The following RASGRP3 variants were observed in gnomAD, a reference collection of about 807,000 sequenced individuals.
The protein encoded by RASGRP3 is ras guanyl-releasing protein 3.
In RASGRP3, 54 loss-of-function variants were observed where a neutral mutation model predicts 82.7. The ratio of observed to expected loss-of-function variants is 0.65; its 90% confidence interval spans 0.52 to 0.82. The LOEUF (loss-of-function observed/expected upper bound fraction) is 0.82, where lower values mean the gene tolerates loss of function less well. RASGRP3 is among the 40% of genes least tolerant of loss of function. The pLI, the probability that RASGRP3 is intolerant of heterozygous loss-of-function variation, is 0.00. For synonymous variants in RASGRP3, 309 were observed against 300.5 expected, an observed-to-expected ratio of 1.03 and a Z score of -0.29; for missense variants, 861 against 828.9, an observed-to-expected ratio of 1.04 and a Z score of -0.48.
intron 15 of RASGRP3, 53 bp downstream of exon 15, chr2:33,555,620 A>G: frequency 6.9e-7 from 1 of 1,447,638 alleles, no homozygotes; most frequent in Non-Finnish European, 9.5e-7. Flanking sequence ...TTTGGGTAAG[A>G]ATCAAATTTG....
chr2:33,531,087 A>G (rs1421530678), intron 10 of RASGRP3: 1 of 152,234 alleles, frequency 6.6e-6, no homozygotes, highest in African/African-American at 2.4e-5. Flanking sequence ...GAATAAGAAG[A>G]GTTTCAAAAA....
intron 1 of RASGRP3, among the ~76,000 whole-genome samples, chr2:33,480,220 T>C (rs1305541169): frequency 6.6e-6 from 1 of 152,062 alleles, no homozygotes; most frequent in Admixed American, 6.6e-5. Flanking sequence ...TTTTTTTGTA[T>C]TTTTAGTAGA....
At chr2:33,507,795 G>A (rs1670533677) in intron 1 of RASGRP3, among the ~76,000 whole-genome samples, 1 of 152,186 alleles carries the variant, frequency 6.6e-6, no homozygotes, top group African/African-American at 2.4e-5. Flanking sequence ...CAAAGTGCTG[G>A]GATTACAGGC....
chr2:33,502,334 A>G (rs1299192876), intron 1 of RASGRP3, among the ~76,000 whole-genome samples: 3 of 151,966 alleles, frequency 2.0e-5, no homozygotes, highest in Non-Finnish European at 1.5e-5. Context: ...ATACCTTCAC[A>G]TGGTAGGTCA....
chr2:33,558,963 T>C lies in RASGRP3; in HGVS notation c.1997T>C (p.Val666Ala), dbSNP rs780193334. The C allele has an allele frequency of 3.8e-5, 61 of 1,613,976 alleles. 1 individual carries two copies. The South Asian group carries it at 6.4e-4, about 17-fold the overall frequency. Residue 666 changes from valine (V) to alanine (A), a missense_variant, in exon 17 of 18, where the codon GTT becomes GCT. Transcript: ENST00000403687. ...CCCAGGGTGCATGCTGGTGTGGATG[T>C]TGTAGACCGGGGCACGGAGTTTGAA... Reference protein sequence around the residue: ...EKPRVHAGVDVVDRGTEFELD... With the variant: ...EKPRVHAGVDAVDRGTEFELD...
At chr2:33,455,895 C>T (rs987833715) in intron 2 of RASGRP3, among the ~76,000 whole-genome samples, 7 of 152,086 alleles carry the variant, frequency 4.6e-5, no homozygotes, top group Admixed American at 6.5e-5. Flanking sequence ...CACCCTGCCC[C>T]GAGTGTCTCA....
intron 1 of RASGRP3, among the ~76,000 whole-genome samples, chr2:33,446,402 C>T (rs963992913): frequency 6.6e-6 from 1 of 152,128 alleles, no homozygotes; most frequent in African/African-American, 2.4e-5. Flanking sequence ...CATGATCCAC[C>T]CGCCTCGGCC....
At chr2:33,478,253 C>T (rs767021181) in intron 1 of RASGRP3, among the ~76,000 whole-genome samples, 12 of 152,138 alleles carry the variant, frequency 7.9e-5, no homozygotes, top group Non-Finnish European at 1.8e-4. Context: ...GTAGAAGAAT[C>T]CACAAAATGT....
chr2:33,469,462 ATT>A (rs113071930), intron 2 of RASGRP3, among the ~76,000 whole-genome samples: 179 of 141,696 alleles, frequency 1.3e-3, no homozygotes, highest in African/African-American at 4.3e-3. Context: ...TTTGTATGTG[ATT>A]TTTTTTTTTT....
chr2:33,501,535 C>A (rs113549490), intron 1 of RASGRP3, among the ~76,000 whole-genome samples: 2 of 152,256 alleles, frequency 1.3e-5, no homozygotes, highest in African/African-American at 4.8e-5. Context: ...GGGTGAGATA[C>A]GAAAACTCAC....
intron 5 of RASGRP3, 31 bp from the exon 6 acceptor site, chr2:33,520,522 C>A (rs1411965032): frequency 1.2e-6 from 2 of 1,611,156 alleles, no homozygotes; most frequent in Non-Finnish European, 8.5e-7. Context: ...TTGCAATCTT[C>A]CAGCTGCCAA....
At chr2:33,469,183 TG>T (rs1666904803) in intron 2 of RASGRP3, among the ~76,000 whole-genome samples, 1 of 152,230 alleles carries the variant, frequency 6.6e-6, no homozygotes, top group Non-Finnish European at 1.5e-5. Context: ...AGTTGTTAAT[TG>T]TAAATGCTAT....
In RASGRP3 at chr2:33,440,980, C is replaced by T. The variant is rs900212484; in HGVS notation, c.-385+4389C>T. The stretch of plus-strand genomic sequence containing the variant: ...CAAGCTCGGCTTGCTGCAGCCTCCA[C>T]CTCCAGGGCTCAAGTGATCCTTGTG... On this transcript the variant is annotated intron_variant, in intron 1 of 18. Transcript: ENST00000402538. Among the ~76,000 whole-genome samples, 4 of 152,128 alleles carry T rather than the reference C, an allele frequency of 2.6e-5. No homozygotes were observed. The East Asian group carries it at 7.7e-4, about 29-fold the overall frequency.
chr2:33,499,430 G>A (rs546871700), intron 1 of RASGRP3, among the ~76,000 whole-genome samples: 7 of 152,060 alleles, frequency 4.6e-5, no homozygotes, highest in African/African-American at 1.2e-4. Flanking sequence ...GTGGTGGTGC[G>A]CACATGTGGT....
intron 1 of RASGRP3, among the ~76,000 whole-genome samples, chr2:33,446,181 G>A (rs778758843): frequency 1.3e-5 from 2 of 152,070 alleles, no homozygotes; most frequent in African/African-American, 2.4e-5. Flanking sequence ...TTTTTGAGAC[G>A]GAGTCTCGCT....
At chr2:33,517,869 A>C (rs1015541822) in intron 4 of RASGRP3, among the ~76,000 whole-genome samples, 1 of 152,206 alleles carries the variant, frequency 6.6e-6, no homozygotes, top group Middle Eastern at 3.2e-3. Context: ...TGGAAAGTTG[A>C]AGACTGCCTG....
chr2:33,551,430 G>A (rs1379796008), intron 14 of RASGRP3, among the ~76,000 whole-genome samples: 2 of 152,214 alleles, frequency 1.3e-5, no homozygotes, highest in African/African-American at 4.8e-5. Context: ...CGCTCCTACA[G>A]AGTGGGACCC....
At chr2:33,540,555 T>TG (rs368439925) in intron 12 of RASGRP3, among the ~76,000 whole-genome samples, 2,447 of 15,920 alleles carry the variant, frequency 0.15, 263 homozygotes, top group East Asian at 0.22. Context: ...GTGTGTGTGT[T>TG]TTGTGTGTGT....
chr2:33,554,822 A>T (rs1209061385), intron 14 of RASGRP3, among the ~76,000 whole-genome samples: 2 of 152,036 alleles, frequency 1.3e-5, no homozygotes, highest in African/African-American at 4.8e-5. Context: ...GAGAGCGAAG[A>T]CACCACCACC....
Sources: allele counts gnomAD v4.1 joint callset (sites outside exome capture counted in the v4.1 genomes callset), GRCh38; gene constraint gnomAD v4.1.1; transcripts MANE v1.5; gene names NCBI Gene and HGNC (gene_info 2026-07-23, HGNC 2026-07-21).